Variants in NXPE2 observed in about 807,000 individuals in gnomAD.
The protein encoded by NXPE2 is neurexophilin and PC-esterase domain family member 2.
NXPE2 carries 34 observed loss-of-function variants against 34.4 expected under a neutral mutation model. The ratio of observed to expected loss-of-function variants is 0.99; its 90% CI spans 0.75 to 1.31. The LOEUF (loss-of-function observed/expected upper bound fraction) is 1.31. Ranked by LOEUF, NXPE2 falls within the 40% of genes most tolerant of loss-of-function variation. The pLI, the probability that NXPE2 is intolerant of heterozygous loss-of-function variation, is 0.00. For synonymous variants in NXPE2, 235 were observed against 231.3 expected (o/e 1.02, Z -0.15); for missense variants, 649 against 672.5 (o/e 0.97, Z 0.39).
chr11:114,626,923 T>C, the NXPE2 span, among the ~76,000 whole-genome samples: 10 of 151,582 alleles, frequency 6.6e-5, no homozygotes, highest in Admixed American at 6.6e-4. Flanking sequence ...GTATCAGTGA[T>C]GGAAGATGAA....
At chr11:114,566,698 T>C in the NXPE2 span, among the ~76,000 whole-genome samples, 1 of 95,316 alleles carries the variant, frequency 1.0e-5, no homozygotes, top group African/African-American at 6.3e-5. Context: ...TCAAGGGATT[T>C]CTCTCTCTCT....
the NXPE2 span, among the ~76,000 whole-genome samples, chr11:114,667,999 A>G: frequency 2.0e-5 from 3 of 151,966 alleles, no homozygotes; most frequent in Admixed American, 6.6e-5. Context: ...GACAAGCACT[A>G]TTTGTAACAG....
chr11:114,660,728 T>C, the NXPE2 span, among the ~76,000 whole-genome samples: 1 of 152,110 alleles, frequency 6.6e-6, no homozygotes, highest in Non-Finnish European at 1.5e-5. Context: ...CTTGCTGTTC[T>C]TATTCAGCAT....
the NXPE2 span, among the ~76,000 whole-genome samples, chr11:114,791,785 G>A: frequency 5.3e-5 from 8 of 152,300 alleles, no homozygotes; most frequent in South Asian, 1.0e-3. Flanking sequence ...TGTCAGGCGC[G>A]GTGGCTCACG....
At chr11:114,632,645 T>C in the NXPE2 span, among the ~76,000 whole-genome samples, 2 of 95,694 alleles carry the variant, frequency 2.1e-5, no homozygotes, top group Non-Finnish European at 3.7e-5. Context: ...ATGTAAATAA[T>C]AAATGTAAAA....
chr11:114,662,889 G>T, the NXPE2 span, among the ~76,000 whole-genome samples: 1 of 152,104 alleles, frequency 6.6e-6, no homozygotes, highest in East Asian at 1.9e-4. Flanking sequence ...TTGAATAACC[G>T]GCAGCAATAC....
the NXPE2 span, among the ~76,000 whole-genome samples, chr11:114,714,095 T>C: frequency 3.5e-3 from 536 of 152,368 alleles, 3 homozygotes; most frequent in Middle Eastern, 0.014. Flanking sequence ...AACAGTATCA[T>C]TTGATATAGG....
the NXPE2 span, among the ~76,000 whole-genome samples, chr11:114,741,015 A>G: frequency 6.6e-6 from 1 of 152,226 alleles, no homozygotes; most frequent in African/African-American, 2.4e-5. Flanking sequence ...TGAAGAAGAA[A>G]TGAACTTCTT....
At chr11:114,589,556 C>T in the NXPE2 span, among the ~76,000 whole-genome samples, 17 of 152,188 alleles carry the variant, frequency 1.1e-4, no homozygotes, top group African/African-American at 1.4e-4. Context: ...TAGGTAGAGA[C>T]GTTCTAGCTT....
downstream of NXPE2, among the ~76,000 whole-genome samples, chr11:114,711,838 G>T (rs185314818): frequency 3.6e-4 from 55 of 152,176 alleles, no homozygotes; most frequent in East Asian, 3.1e-3. Flanking sequence ...CACACTCCTT[G>T]ATTTTAAAAC....
At chr11:114,809,328 T>C in the NXPE2 span, among the ~76,000 whole-genome samples, 1 of 151,920 alleles carries the variant, frequency 6.6e-6, no homozygotes, top group Non-Finnish European at 1.5e-5. Context: ...AACATAGTGT[T>C]GGAAATTCTG....
the NXPE2 span, among the ~76,000 whole-genome samples, chr11:114,498,916 T>C: frequency 6.6e-6 from 1 of 152,088 alleles, no homozygotes; most frequent in Admixed American, 6.5e-5. Context: ...GAATTGGAAG[T>C]GTGCCATCTT....
rs774991633 is a variant in NXPE2, at chr11:114,678,569, C to A, written c.-7C>A. The A allele has an allele frequency of 2.1e-5, 32 of 1,546,320 alleles. No individual in the cohort carries two copies. The highest frequency in any genetic ancestry group is 2.5e-5 in the Non-Finnish European group (29 of 1,142,234). On this transcript the variant is annotated 5_prime_UTR_variant, in exon 1 of 6. Transcript: ENST00000389586. ...GGACACTATAATTCCTGTGAGAACA[C>A]GAGAAGATGGTGGAGAAAATACTCA...
At chr11:114,608,517 G>A in the NXPE2 span, among the ~76,000 whole-genome samples, 21 of 152,020 alleles carry the variant, frequency 1.4e-4, no homozygotes, top group African/African-American at 4.6e-4. Flanking sequence ...GTGTTGCCTC[G>A]TGGGTAAGCA....
the NXPE2 span, among the ~76,000 whole-genome samples, chr11:114,744,241 C>G: frequency 6.6e-6 from 1 of 152,034 alleles, no homozygotes; most frequent in Non-Finnish European, 1.5e-5. Context: ...GTGGCTTCAC[C>G]CTGAGAATTT....
At chr11:114,561,578 A>G in the NXPE2 span, among the ~76,000 whole-genome samples, 1 of 152,192 alleles carries the variant, frequency 6.6e-6, no homozygotes, top group Non-Finnish European at 1.5e-5. Flanking sequence ...TAAATAGATG[A>G]TAAATTTACT....
intron 2 of NXPE2, among the ~76,000 whole-genome samples, chr11:114,683,164 A>T (rs1950978005): frequency 6.6e-6 from 1 of 152,042 alleles, no homozygotes; most frequent in Non-Finnish European, 1.5e-5. Context: ...TGAGTTTTTT[A>T]AAATAAATCC....
the NXPE2 span, among the ~76,000 whole-genome samples, chr11:114,479,036 C>A: frequency 1.3e-5 from 2 of 152,256 alleles, no homozygotes; most frequent in South Asian, 4.1e-4. Flanking sequence ...AATGTCCTAA[C>A]CTGGAACTGC....
the NXPE2 span, among the ~76,000 whole-genome samples, chr11:114,614,094 T>C: frequency 6.6e-6 from 1 of 151,852 alleles, no homozygotes; most frequent in Non-Finnish European, 1.5e-5. Context: ...ACCTGGTTTA[T>C]AATAAGTGTT....
Sources: allele counts gnomAD v4.1 joint callset (sites outside exome capture counted in the v4.1 genomes callset), GRCh38; gene constraint gnomAD v4.1.1; transcripts MANE v1.5; gene names NCBI Gene and HGNC (gene_info 2026-07-23, HGNC 2026-07-21).